Variants in MTMR8 observed in about 807,000 individuals in gnomAD.
The protein encoded by MTMR8 is phosphatidylinositol-3,5-bisphosphate 3-phosphatase MTMR8.
Under a neutral mutation model 39.3 loss-of-function variants are expected in MTMR8, and 65 were observed. The observed-to-expected ratio is 1.65, with a 90% CI of 1.35 to 2.03. MTMR8 has a LOEUF of 2.03. MTMR8 is among the 30% of genes most tolerant of loss of function. The probability of loss-of-function intolerance (pLI) is 0.00; values close to 1 mark genes in which losing one functional copy is unlikely to be tolerated. For missense variants in MTMR8, 777 were observed against 538.9 expected, an observed-to-expected ratio of 1.44 and a Z score of -4.37; for synonymous variants, 245 against 185.2, an observed-to-expected ratio of 1.32 and a Z score of -2.62.
intron 1 of MTMR8, among the ~76,000 whole-genome samples, chrX:64,365,809 G>A (rs1277973730): frequency 3.6e-5 from 4 of 111,556 alleles, no homozygotes; most frequent in African/African-American, 1.3e-4. Context: ...AAAAGACACA[G>A]ACTGGCAAAT....
intron 12 of MTMR8, among the ~76,000 whole-genome samples, chrX:64,327,845 G>A (rs1244661365): frequency 1.8e-5 from 2 of 111,645 alleles, no homozygotes; most frequent in African/African-American, 6.5e-5. Context: ...TACTATTTTA[G>A]CAATAAAAAA....
intron 1 of MTMR8, among the ~76,000 whole-genome samples, chrX:64,387,114 T>TA (rs1924580326): frequency 9.0e-6 from 1 of 110,733 alleles, no homozygotes; most frequent in African/African-American, 3.3e-5. Flanking sequence ...GTGATTAGAT[T>TA]AAAAGAAAAA....
chrX:64,305,039 T>G (rs1252412839), intron 12 of MTMR8: 2 of 174,750 alleles, frequency 1.1e-5, no homozygotes, highest in Non-Finnish European at 2.3e-5. Context: ...TCCACAATAC[T>G]GTTCTAAAAC....
intron 12 of MTMR8, among the ~76,000 whole-genome samples, chrX:64,276,810 G>A (rs927147756): frequency 1.5e-4 from 17 of 111,613 alleles, no homozygotes; most frequent in African/African-American, 5.5e-4. Flanking sequence ...TTGGTCTAGA[G>A]CTGAGTTCAA....
intron 1 of MTMR8, among the ~76,000 whole-genome samples, chrX:64,379,960 A>G (rs1002766230): frequency 3.6e-5 from 4 of 111,935 alleles, no homozygotes; most frequent in African/African-American, 1.3e-4. Flanking sequence ...GATGAAGAAA[A>G]GCATTTGACA....
intron 12 of MTMR8, among the ~76,000 whole-genome samples, chrX:64,288,285 C>G (rs1352073242): frequency 1.8e-5 from 2 of 110,979 alleles, no homozygotes; most frequent in African/African-American, 6.5e-5. Context: ...CACCACTGGC[C>G]ATCAGAGAAA....
chrX:64,323,982 A>G, intron 12 of MTMR8, among the ~76,000 whole-genome samples: 1 of 112,813 alleles, frequency 8.9e-6, no homozygotes, highest in African/African-American at 3.2e-5. Flanking sequence ...ACAAATAAAA[A>G]CCTAACAATG....
rs751486345 is a variant in MTMR8, at chrX:64,268,835, G to A, written c.1817C>T (p.Ala606Val). 1.7e-6 allele frequency: 2 copies of A among 1,211,684 alleles called. No homozygotes were observed. Residue 606 changes from alanine (A) to valine (V), a missense_variant, in exon 14 of 14, where the codon GCA (alanine) becomes GTA (valine). Transcript: ENST00000374852. ...AQMDQVKSQG[A>V]DLHHNCCEIV... ...CTCACAACAGTTATGGTGGAGGTCT[G>A]CACCCTGGCTTTTTACTTGATCCAT...
intron 11 of MTMR8, among the ~76,000 whole-genome samples, chrX:64,331,130 G>T (rs1012647223): frequency 9.0e-6 from 1 of 111,361 alleles, no homozygotes; most frequent in Non-Finnish European, 1.9e-5. Flanking sequence ...AAAAATGTCG[G>T]CAACGAATTA....
At chrX:64,353,309 C>A (rs1923534409) in intron 4 of MTMR8, among the ~76,000 whole-genome samples, 1 of 111,623 alleles carries the variant, frequency 9.0e-6, no homozygotes, top group Non-Finnish European at 1.9e-5. Context: ...AAAAGACAAC[C>A]CACAGAATAG....
chrX:64,270,105 G>A lies in MTMR8; in HGVS notation c.1608+842C>T, dbSNP rs527954222. 3.2e-4 allele frequency among the ~76,000 whole-genome samples: 35 copies of A among 109,996 alleles called. No homozygotes were observed. The South Asian group carries it at 0.011, about 34-fold the overall frequency. ...AATCTACTTAGGACTGGGCCTTCTC[G>A]GGGATGCATGTTTCCTACGATTTTA... On this transcript the variant is annotated intron_variant, in intron 13 of 13. Coordinates refer to ENST00000374852, the MANE Select transcript of MTMR8 (RefSeq NM_017677.4).
intron 12 of MTMR8, among the ~76,000 whole-genome samples, chrX:64,320,731 C>T (rs994900880): frequency 1.0e-3 from 112 of 110,953 alleles, no homozygotes; most frequent in African/African-American, 3.3e-3. Flanking sequence ...AGGTCAGATA[C>T]ATGCTGAGGG....
chrX:64,395,249 G>T, intron 1 of MTMR8, 91 bp downstream of exon 1: 3 of 970,409 alleles, frequency 3.1e-6, no homozygotes, highest in Non-Finnish European at 2.9e-6. Flanking sequence ...GTCAAAGAAG[G>T]CTGAGAAGGC....
chrX:64,328,516 A>G, intron 12 of MTMR8, among the ~76,000 whole-genome samples: 1 of 111,780 alleles, frequency 8.9e-6, no homozygotes, highest in Non-Finnish European at 1.9e-5. Flanking sequence ...AACAAACGTT[A>G]TCTTGACTGG....
intron 1 of MTMR8, among the ~76,000 whole-genome samples, chrX:64,366,433 G>C (rs1017520456): frequency 2.7e-5 from 3 of 112,125 alleles, no homozygotes; most frequent in Non-Finnish European, 5.6e-5. Context: ...AATCAAATTA[G>C]AACTCAGGGT....
chrX:64,381,136 C>T (rs764599169), intron 1 of MTMR8, among the ~76,000 whole-genome samples: 2 of 111,797 alleles, frequency 1.8e-5, no homozygotes, highest in Admixed American at 9.5e-5. Context: ...GGTCAAATGG[C>T]ATTTCTAGTT....
intron 12 of MTMR8, among the ~76,000 whole-genome samples, chrX:64,325,380 C>T (rs764359968): frequency 1.8e-5 from 2 of 111,458 alleles, no homozygotes; most frequent in Non-Finnish European, 3.8e-5. Flanking sequence ...AACACAAATG[C>T]AAAAATCATC....
rs142863085 is a variant in MTMR8, at chrX:64,356,254, G to A, written c.232C>T (p.Arg78Trp). 167 of 1,207,584 alleles carry A rather than the reference G, an allele frequency of 1.4e-4. No homozygotes were observed. The highest frequency in any genetic ancestry group is 3.7e-4 in the South Asian group (21 of 56,297). ...CPLTLRCKNF[R>W]VAHFVLDSDL... ...GAATCTAAAACAAAGTGGGCCACCCGGAAATTCTTGCAGCGGAGGGTCAGG... is the reference window on the plus strand; with the variant it reads ...GAATCTAAAACAAAGTGGGCCACCCAGAAATTCTTGCAGCGGAGGGTCAGG... Residue 78 changes from arginine to tryptophan, a missense_variant, in exon 3 of 14, where the codon CGG becomes TGG. Transcript: ENST00000374852.
chrX:64,368,341 C>A (rs1306134007), intron 1 of MTMR8, among the ~76,000 whole-genome samples: 1 of 111,584 alleles, frequency 9.0e-6, no homozygotes, highest in Admixed American at 9.5e-5. Context: ...AGGGGTCACA[C>A]TACCTGACTT....
Sources: allele counts gnomAD v4.1 joint callset (sites outside exome capture counted in the v4.1 genomes callset), GRCh38; gene constraint gnomAD v4.1.1; transcripts MANE v1.5; gene names NCBI Gene and HGNC (gene_info 2026-07-23, HGNC 2026-07-21).